MARCHF6: variants seen among roughly 807,000 people sequenced by gnomAD.
MARCHF6 encodes membrane associated ring-CH-type finger 6, also known as E3 ubiquitin-protein ligase MARCHF6.
MARCHF6 carries 31 observed loss-of-function variants against 133.7 expected under a neutral mutation model. The observed-to-expected ratio is 0.23, with a 90% CI of 0.17 to 0.31. The LOEUF is 0.31. Among genes scored for constraint, MARCHF6 ranks in the 10% least tolerant of loss-of-function variants. The probability of loss-of-function intolerance (pLI) is 1.00; values close to 1 mark genes in which losing one functional copy is unlikely to be tolerated. For synonymous variants in MARCHF6, 395 were observed against 402.5 expected (o/e 0.98, Z 0.22); for missense variants, 723 against 1,121.6 (o/e 0.64, Z 5.08).
chr5:10,380,212 C>T (rs749029336), intron 3 of MARCHF6, among the ~76,000 whole-genome samples: 1 of 150,510 alleles, frequency 6.6e-6, no homozygotes, highest in African/African-American at 2.5e-5. Flanking sequence ...TTGAGCTTCT[C>T]GATATAAATG....
At chr5:10,391,302 T>C (rs555787321) in intron 6 of MARCHF6, among the ~76,000 whole-genome samples, 1 of 152,100 alleles carries the variant, frequency 6.6e-6, no homozygotes, top group Non-Finnish European at 1.5e-5. Context: ...CCTGGCTAAC[T>C]TTTTAATTTA....
At chr5:10,385,843 G>T (rs1169590265) in intron 4 of MARCHF6, among the ~76,000 whole-genome samples, 1 of 152,158 alleles carries the variant, frequency 6.6e-6, no homozygotes, top group Non-Finnish European at 1.5e-5. Context: ...AGATGAAATA[G>T]GCAAAAGTAA....
rs2086825642 is a variant in MARCHF6 at position 10,391,293 on chromosome 5, C to T, written c.577-249C>T. 1.3e-5 allele frequency among the ~76,000 whole-genome samples: 2 copies of T among 152,068 alleles called. 1 individual carries two copies. Among genetic ancestry groups the T allele is most frequent in the South Asian group, 4.1e-4 (2 of 4,826 alleles). The stretch of plus-strand genomic sequence containing the variant: ...GGACTATAGGCGCAAACCACCATGC[C>T]TGGCTAACTTTTTAATTTAAGTACA... On this transcript the variant is annotated intron_variant, in intron 6 of 25. Transcript: ENST00000274140.
In MARCHF6 at chr5:10,353,887, C is replaced by T; in HGVS notation, c.-12C>T. 1.3e-6 allele frequency: 2 copies of T among 1,564,556 alleles called. No individual in the cohort carries two copies. Among genetic ancestry groups the T allele is most frequent in the Non-Finnish European group, 1.7e-6 (2 of 1,159,486 alleles). On this transcript the variant is annotated 5_prime_UTR_variant, in exon 1 of 26. Coordinates refer to ENST00000274140, the MANE Select transcript of MARCHF6 (RefSeq NM_005885.4). ...GCCTCGTGGCTGCGTCACCGCCGCCCCCCCAGACAAGATGGACACCGCGGA... is the reference window on the plus strand; with the variant it reads ...GCCTCGTGGCTGCGTCACCGCCGCCTCCCCAGACAAGATGGACACCGCGGA...
At chr5:10,387,282 T>C (rs1397527720) in intron 5 of MARCHF6, among the ~76,000 whole-genome samples, 1 of 152,114 alleles carries the variant, frequency 6.6e-6, no homozygotes, top group Admixed American at 6.6e-5. Flanking sequence ...TGTTTTGTAA[T>C]GATGGGATGA....
In MARCHF6 at chr5:10,403,421, T is replaced by C. The variant is rs1738669820; in HGVS notation, c.1212T>C (p.Ala404=). The C allele has an allele frequency of 3.1e-6, 5 of 1,613,218 alleles. No homozygotes were observed. The highest frequency in any genetic ancestry group is 2.7e-5 in the African/African-American group (2 of 74,894). ...TTTTGTCTCAGGAAATGTTTGATGCTACTCTGAAAGATCGAGAACTGAGCT... is the reference window on the plus strand; with the variant it reads ...TTTTGTCTCAGGAAATGTTTGATGCCACTCTGAAAGATCGAGAACTGAGCT... The part of the protein sequence containing the change: ...LDICSLEMFD[A]TLKDRELSFQ... The change falls in exon 15 of 26, where the codon GCT becomes GCC. Residue 404 remains alanine, a synonymous_variant. Coordinates refer to ENST00000274140, the MANE Select transcript of MARCHF6 (RefSeq NM_005885.4).
intron 1 of MARCHF6, among the ~76,000 whole-genome samples, chr5:10,377,428 A>G (rs891826316): frequency 1.3e-5 from 2 of 152,194 alleles, no homozygotes; most frequent in Non-Finnish European, 2.9e-5. Context: ...AAACCGTTAA[A>G]TTGTTAAGAC....
chr5:10,395,960 G>A (rs947997491), intron 9 of MARCHF6, among the ~76,000 whole-genome samples: 18 of 152,142 alleles, frequency 1.2e-4, no homozygotes, highest in African/African-American at 4.3e-4. Context: ...GCATTATTTG[G>A]CCACATACTG....
intron 22 of MARCHF6, among the ~76,000 whole-genome samples, chr5:10,421,643 A>C (rs1739830755): frequency 6.6e-6 from 1 of 152,206 alleles, no homozygotes; most frequent in East Asian, 1.9e-4. Context: ...GGAGAACGCG[A>C]ATCACAGTGA....
At chr5:10,389,575 G>GT (rs1034413162) in intron 5 of MARCHF6, among the ~76,000 whole-genome samples, 1 of 152,026 alleles carries the variant, frequency 6.6e-6, no homozygotes, top group African/African-American at 2.4e-5. Flanking sequence ...GCTAATTTTT[G>GT]TATTTTTAGT....
rs1327824262 is a variant in MARCHF6 at position 10,403,671 on chromosome 5, G to A, written c.1332+130G>A. ...ATTCTCTACTATTTTATTCTAAGAG[G>A]GAATAACTTATAGGGGACTTTGACT... is the stretch of plus-strand genomic sequence containing the variant. On this transcript the variant is annotated intron_variant, in intron 15 of 25. Coordinates refer to ENST00000274140, the MANE Select transcript of MARCHF6 (RefSeq NM_005885.4). 2.1e-5 allele frequency: 17 copies of A among 795,052 alleles called. 1 individual carries two copies. The highest frequency in any genetic ancestry group is 2.8e-5 in the Non-Finnish European group (15 of 543,868). The allele number at this position is 795,052 out of a possible 1,614,324, so 49.2% of individuals were successfully genotyped here. A position where few individuals can be genotyped will look rare whatever the true frequency, so the allele number is the denominator to read the frequency against.
In MARCHF6 at chr5:10,394,086, C is replaced by T; in HGVS notation, c.771C>T (p.Asp257=). 6.5e-7 allele frequency: 1 copy of T among 1,532,802 alleles called. No homozygotes were observed. The highest frequency in any genetic ancestry group is 8.8e-7 in the Non-Finnish European group (1 of 1,135,590). The allele number at this position is 1,532,802 out of a possible 1,614,324, so 95.0% of individuals were successfully genotyped here. A position where few individuals can be genotyped will look rare whatever the true frequency, so the allele number is the denominator to read the frequency against. ...AADANNGAQD[D]MNWNALEWDR... ...AAATTGCAATTATATTTTCAGATGA[C>T]ATGAATTGGAATGCTTTAGAATGGG... The change falls in exon 8 of 26, where the codon GAC becomes GAT. Residue 257 remains aspartate, a synonymous_variant. Transcript: ENST00000274140.
intron 1 of MARCHF6, among the ~76,000 whole-genome samples, chr5:10,367,379 A>AT (rs1388643607): frequency 4.6e-5 from 7 of 152,348 alleles, no homozygotes; most frequent in African/African-American, 1.7e-4. Flanking sequence ...TGCTGGGTAT[A>AT]TGGGAACTCT....
At chr5:10,413,872 G>C (rs554169992) in intron 19 of MARCHF6, among the ~76,000 whole-genome samples, 1 of 152,110 alleles carries the variant, frequency 6.6e-6, no homozygotes, top group Non-Finnish European at 1.5e-5. Flanking sequence ...AGATTTGAGT[G>C]GGGACACAGT....
chr5:10,428,522 G>T (rs1375978812), intron 24 of MARCHF6, among the ~76,000 whole-genome samples: 1 of 151,460 alleles, frequency 6.6e-6, no homozygotes, highest in African/African-American at 2.4e-5. Context: ...TTGTCTTTTT[G>T]TTAGAGACAG....
At chr5:10,387,664 CA>C (rs1737573645) in intron 5 of MARCHF6, among the ~76,000 whole-genome samples, 1 of 152,074 alleles carries the variant, frequency 6.6e-6, no homozygotes, top group African/African-American at 2.4e-5. Context: ...CTTATGTTCA[CA>C]AAAGTTTTTT....
intron 21 of MARCHF6, among the ~76,000 whole-genome samples, chr5:10,415,941 G>A (rs763336356): frequency 2.7e-4 from 41 of 152,218 alleles, no homozygotes; most frequent in Non-Finnish European, 2.5e-4. Flanking sequence ...GGGAAGCTAA[G>A]GCAGGAGGAT....
Position 10,433,659 on chromosome 5 carries a change from C to T in MARCHF6, c.2708C>T (p.Pro903Leu). ...RKSGKQGSSP[P>L]PPQSSQE The stretch of plus-strand genomic sequence containing the variant: ...TCTGGCAAACAAGGCTCATCTCCAC[C>T]ACCTCCACAGTCATCCCAAGAATAA... Residue 903 changes from proline (P) to leucine (L), a missense_variant, in exon 26 of 26, where the codon CCA (proline) becomes CTA (leucine). Around this residue, in one of 4 missense-constraint regions of MARCHF6, gnomAD observed 492 missense variants for 699.5 expected, o/e 0.70. Coordinates refer to ENST00000274140, the MANE Select transcript of MARCHF6 (RefSeq NM_005885.4). 1 of 1,614,184 alleles carries T rather than the reference C, an allele frequency of 6.2e-7. No homozygotes were observed. The highest frequency in any genetic ancestry group is 8.5e-7 in the Non-Finnish European group (1 of 1,180,004).
chr5:10,371,113 G>C (rs138250989), intron 1 of MARCHF6, among the ~76,000 whole-genome samples: 153 of 152,292 alleles, frequency 1.0e-3, no homozygotes, highest in Non-Finnish European at 1.7e-3. Flanking sequence ...AACTGAAATA[G>C]AATTAGCTAT....
Sources: gnomAD v4.1 joint callset for allele counts (sites outside exome capture counted in the v4.1 genomes callset) on GRCh38, gnomAD v4.1.1 for gene constraint, gnomAD v4.1.1 regional missense constraint, MANE v1.5 for transcripts, NCBI Gene and HGNC (gene_info 2026-07-23, HGNC 2026-07-21) for gene names.